ITGBL1: variants seen among roughly 807,000 people sequenced by gnomAD.
ITGBL1 encodes integrin subunit beta like 1, also known as integrin beta-like protein 1.
In ITGBL1, 51 loss-of-function variants were observed where a neutral mutation model predicts 68.5. That is an observed-to-expected ratio of 0.74 (90% CI 0.59 to 0.94). The LOEUF (loss-of-function observed/expected upper bound fraction) is 0.94. Ranked by LOEUF, ITGBL1 falls within the 40% of genes least tolerant of loss-of-function variation. The pLI, the probability that ITGBL1 is intolerant of heterozygous loss-of-function variation, is 0.00. For synonymous variants in ITGBL1, 209 were observed against 227.3 expected, an observed-to-expected ratio of 0.92 and a Z score of 0.72; for missense variants, 649 against 647.4, an observed-to-expected ratio of 1.00 and a Z score of -0.03.
At chr13:101,632,165 C>A (rs1594942537) in intron 7 of ITGBL1, among the ~76,000 whole-genome samples, 1 of 150,874 alleles carries the variant, frequency 6.6e-6, no homozygotes, top group East Asian at 1.9e-4. Flanking sequence ...ATATATATAT[C>A]TGACAATAAG....
intron 2 of ITGBL1, among the ~76,000 whole-genome samples, chr13:101,462,318 A>G (rs2048328554): frequency 6.6e-6 from 1 of 152,202 alleles, no homozygotes; most frequent in Non-Finnish European, 1.5e-5. Flanking sequence ...TCATCACATC[A>G]GCAAAGTCAC....
At chr13:101,512,352 C>A (rs188457745) in intron 2 of ITGBL1, among the ~76,000 whole-genome samples, 1 of 152,132 alleles carries the variant, frequency 6.6e-6, no homozygotes, top group Non-Finnish European at 1.5e-5. Context: ...TCTGTCTCCA[C>A]GTCTCTTCTA....
At chr13:101,611,631 T>C (rs2139367750) in intron 7 of ITGBL1, among the ~76,000 whole-genome samples, 2 of 151,806 alleles carry the variant, frequency 1.3e-5, no homozygotes, top group South Asian at 4.2e-4. Flanking sequence ...AGACCCTGAG[T>C]TAGTCTGGGT....
At chr13:101,548,679 A>C (rs1448317015) in intron 2 of ITGBL1, among the ~76,000 whole-genome samples, 1 of 151,812 alleles carries the variant, frequency 6.6e-6, no homozygotes. Context: ...TTTAACTATC[A>C]TTAACTTGAT....
At chr13:101,518,820 G>A (rs9554792) in intron 2 of ITGBL1, among the ~76,000 whole-genome samples, 28,406 of 147,038 alleles carry the variant, frequency 0.19, 2,958 homozygotes, top group East Asian at 0.44. Context: ...ACACTGTCTT[G>A]CTTAATCCAA....
Position 101,509,101 on chromosome 13 carries a change from G to A in ITGBL1, c.316+55001G>A, listed in dbSNP as rs182626162. 3.9e-5 allele frequency among the ~76,000 whole-genome samples: 6 copies of A among 152,244 alleles called. No individual in the cohort carries two copies. In the East Asian group the frequency reaches 1.2e-3, roughly 29 times the overall value. ...ATTTACAAAAGAAAGAGGTTTAATG[G>A]ACTTATAGTTCCGCATGGCTGGGGA... On this transcript the variant is annotated intron_variant, in intron 2 of 10. Coordinates refer to ENST00000376180, the MANE Select transcript of ITGBL1 (RefSeq NM_004791.3).
chr13:101,499,837 G>A (rs142969993), intron 2 of ITGBL1, among the ~76,000 whole-genome samples: 19 of 152,304 alleles, frequency 1.2e-4, no homozygotes, highest in Non-Finnish European at 2.4e-4. Context: ...GATGGCTCAG[G>A]GCTTAGATGC....
At chr13:101,520,707 T>C (rs1468334219) in intron 2 of ITGBL1, among the ~76,000 whole-genome samples, 1 of 152,134 alleles carries the variant, frequency 6.6e-6, no homozygotes, top group African/African-American at 2.4e-5. Context: ...ATTTAGCAAA[T>C]GCTAGGAAAG....
chr13:101,681,227 C>T (rs576647553), intron 7 of ITGBL1, among the ~76,000 whole-genome samples: 90 of 151,994 alleles, frequency 5.9e-4, no homozygotes, highest in Non-Finnish European at 1.0e-3. Flanking sequence ...TATTCTTCAG[C>T]GGAACACTTT....
chr13:101,554,143 C>T (rs2049967670), intron 2 of ITGBL1, among the ~76,000 whole-genome samples: 1 of 152,146 alleles, frequency 6.6e-6, no homozygotes, highest in South Asian at 2.1e-4. Context: ...CCAGTGTGAT[C>T]TCAACTAATT....
At chr13:101,499,524 G>C (rs149831193) in intron 2 of ITGBL1, among the ~76,000 whole-genome samples, 177 of 152,240 alleles carry the variant, frequency 1.2e-3, no homozygotes, top group African/African-American at 3.9e-3. Context: ...CCTTAAGTTC[G>C]TTTCTCCCGA....
At chr13:101,605,919 T>C (rs2030802617) in intron 7 of ITGBL1, among the ~76,000 whole-genome samples, 1 of 140,324 alleles carries the variant, frequency 7.1e-6, no homozygotes, top group Non-Finnish European at 1.6e-5. Flanking sequence ...TGTACACATA[T>C]ATAGACATAT....
chr13:101,679,498 AAGG>A (rs2139523429), intron 7 of ITGBL1, among the ~76,000 whole-genome samples: 2 of 152,282 alleles, frequency 1.3e-5, no homozygotes, highest in South Asian at 4.2e-4. Context: ...AGCTAGAAAA[AAGG>A]AGATTTTTAC....
chr13:101,530,258 G>T (rs1257555929), intron 2 of ITGBL1, among the ~76,000 whole-genome samples: 2 of 151,994 alleles, frequency 1.3e-5, no homozygotes, highest in Non-Finnish European at 2.9e-5. Flanking sequence ...TATATAGAGA[G>T]AGAGAGAGCG....
At chr13:101,516,916 T>G (rs2049204804) in intron 2 of ITGBL1, among the ~76,000 whole-genome samples, 1 of 152,172 alleles carries the variant, frequency 6.6e-6, no homozygotes, top group Admixed American at 6.6e-5. Flanking sequence ...AGAGAAAGTT[T>G]ATTCCTATCT....
chr13:101,481,722 A>G (rs1011871009), intron 2 of ITGBL1, among the ~76,000 whole-genome samples: 2 of 152,104 alleles, frequency 1.3e-5, no homozygotes, highest in African/African-American at 4.8e-5. Flanking sequence ...TGTTCTCTCT[A>G]TATATACTCC....
intron 2 of ITGBL1, among the ~76,000 whole-genome samples, chr13:101,566,294 T>G (rs1374710206): frequency 1.3e-5 from 2 of 152,094 alleles, no homozygotes; most frequent in Non-Finnish European, 2.9e-5. Context: ...CTGCAAGAAT[T>G]TGGCTTAATG....
chr13:101,577,612 C>G (rs1201342886), intron 4 of ITGBL1, among the ~76,000 whole-genome samples: 2 of 152,048 alleles, frequency 1.3e-5, no homozygotes, highest in Non-Finnish European at 2.9e-5. Flanking sequence ...ATATAGTAAT[C>G]CTTACTTATG....
chr13:101,541,190 T>C (rs1275832591), intron 2 of ITGBL1, among the ~76,000 whole-genome samples: 1 of 150,144 alleles, frequency 6.7e-6, no homozygotes, highest in Non-Finnish European at 1.5e-5. Flanking sequence ...GGCTGTGGGT[T>C]TGTCATAGAT....
Sources: allele counts gnomAD v4.1 joint callset (sites outside exome capture counted in the v4.1 genomes callset), GRCh38; gene constraint gnomAD v4.1.1; transcripts MANE v1.5; gene names NCBI Gene and HGNC (gene_info 2026-07-23, HGNC 2026-07-21).